HECW2: variants seen among roughly 807,000 people sequenced by gnomAD.
HECW2 encodes the protein E3 ubiquitin-protein ligase HECW2.
In HECW2, 61 loss-of-function variants were observed where a neutral mutation model predicts 175.2. The observed-to-expected ratio is 0.35, with a 90% CI of 0.28 to 0.43. The LOEUF is 0.43. Ranked by LOEUF, HECW2 falls within the 20% of genes least tolerant of loss-of-function variation. The pLI is 1.00. For synonymous variants in HECW2, 671 were observed against 731.0 expected, an observed-to-expected ratio of 0.92 and a Z score of 1.32; for missense variants, 1,524 against 2,000.5, an observed-to-expected ratio of 0.76 and a Z score of 4.54.
intron 1 of HECW2, among the ~76,000 whole-genome samples, chr2:196,506,731 G>A (rs1293282642): frequency 6.6e-6 from 1 of 151,844 alleles, no homozygotes; most frequent in Non-Finnish European, 1.5e-5. Flanking sequence ...TAGAAAACCA[G>A]TACCCCTTGT....
At chr2:196,554,030 G>A (rs992303025) in intron 1 of HECW2, among the ~76,000 whole-genome samples, 5 of 152,218 alleles carry the variant, frequency 3.3e-5, no homozygotes, top group African/African-American at 9.6e-5. Context: ...GGATAGGGCT[G>A]GAGGGCTTCT....
chr2:196,442,461 C>T (rs1473222245), intron 1 of HECW2, among the ~76,000 whole-genome samples: 2 of 152,054 alleles, frequency 1.3e-5, no homozygotes, highest in African/African-American at 2.4e-5. Flanking sequence ...GGGCTCTACC[C>T]TAAGGAAAGA....
chr2:196,521,146 GTAA>G (rs536125140), intron 1 of HECW2, among the ~76,000 whole-genome samples: 287 of 152,040 alleles, frequency 1.9e-3, no homozygotes, highest in Non-Finnish European at 3.6e-3. Flanking sequence ...TGTAGGTAAA[GTAA>G]TAATAACAGG....
intron 28 of HECW2, among the ~76,000 whole-genome samples, chr2:196,202,911 A>G (rs528420726): frequency 6.6e-6 from 1 of 152,266 alleles, no homozygotes; most frequent in South Asian, 2.1e-4. Flanking sequence ...CTAAACATGA[A>G]ATTCATTTAC....
At chr2:196,576,862 A>G (rs1009185542) in intron 1 of HECW2, among the ~76,000 whole-genome samples, 1 of 152,228 alleles carries the variant, frequency 6.6e-6, no homozygotes, top group Admixed American at 6.5e-5. Context: ...TAAAGCTGGA[A>G]AAAGGTTTAT....
intron 1 of HECW2, among the ~76,000 whole-genome samples, chr2:196,449,771 G>A (rs911252092): frequency 2.6e-5 from 4 of 152,072 alleles, no homozygotes; most frequent in African/African-American, 9.7e-5. Flanking sequence ...AGTTTTAACT[G>A]GTTGTAATTA....
chr2:196,460,980 G>A (rs919676532), intron 1 of HECW2, among the ~76,000 whole-genome samples: 16 of 151,932 alleles, frequency 1.1e-4, no homozygotes, highest in African/African-American at 3.1e-4. Context: ...AATTAATTAC[G>A]TGAGAAAATA....
intron 22 of HECW2, among the ~76,000 whole-genome samples, chr2:196,226,733 G>A (rs1028088489): frequency 2.6e-5 from 4 of 152,158 alleles, no homozygotes; most frequent in Non-Finnish European, 5.9e-5. Flanking sequence ...CTGAGGAAAG[G>A]CCCAGTCTCA....
At chr2:196,495,184 C>G (rs911654776) in intron 1 of HECW2, among the ~76,000 whole-genome samples, 2 of 152,046 alleles carry the variant, frequency 1.3e-5, no homozygotes, top group Admixed American at 1.3e-4. Context: ...TCTCCTCACT[C>G]AGCCTCCCAA....
chr2:196,575,417 A>G (rs1257064375), intron 1 of HECW2, among the ~76,000 whole-genome samples: 1 of 152,200 alleles, frequency 6.6e-6, no homozygotes, highest in Non-Finnish European at 1.5e-5. Context: ...TGGGTATATA[A>G]CCCAAGGAAA....
At position 196,227,120 on chromosome 2, in the gene HECW2, T is replaced by G. The variant is rs529540443; in HGVS notation, c.3917+982A>C. 1.1e-4 allele frequency among the ~76,000 whole-genome samples: 17 copies of G among 152,306 alleles called. No homozygotes were observed. The South Asian group carries it at 3.3e-3, about 30-fold the overall frequency. ...ATGGTTCCTCTTTATTTCCATTTATTTAGCACAACTGTAATAGTCACAGAA... is the reference window on the plus strand; with the variant it reads ...ATGGTTCCTCTTTATTTCCATTTATGTAGCACAACTGTAATAGTCACAGAA... On this transcript the variant is annotated intron_variant, in intron 22 of 28. Coordinates refer to ENST00000644978, the MANE Select transcript of HECW2 (RefSeq NM_001348768.2).
At chr2:196,308,185 A>G in intron 10 of HECW2, 100 bp from the exon 11 acceptor site, 1 of 837,618 alleles carries the variant, frequency 1.2e-6, no homozygotes, top group Non-Finnish European at 1.8e-6. Flanking sequence ...CTGACATGCT[A>G]TAATCTGAGA....
chr2:196,451,488 T>C (rs1012681364), intron 1 of HECW2, among the ~76,000 whole-genome samples: 30 of 151,164 alleles, frequency 2.0e-4, no homozygotes, highest in African/African-American at 7.3e-4. Context: ...CCAGAACTCA[T>C]GCTTTTCTCC....
chr2:196,525,227 T>G (rs1481428077), intron 1 of HECW2, among the ~76,000 whole-genome samples: 3 of 144,884 alleles, frequency 2.1e-5, no homozygotes, highest in African/African-American at 2.7e-5. Flanking sequence ...TTTACCATTA[T>G]GTAATGGCCT....
At chr2:196,492,179 C>T (rs1687222570) in intron 1 of HECW2, among the ~76,000 whole-genome samples, 1 of 152,126 alleles carries the variant, frequency 6.6e-6, no homozygotes, top group African/African-American at 2.4e-5. Context: ...TTTAGAGTTA[C>T]ACTCCTCAGT....
chr2:196,381,211 C>T (rs1242737903), intron 2 of HECW2, among the ~76,000 whole-genome samples: 3 of 152,190 alleles, frequency 2.0e-5, no homozygotes, highest in African/African-American at 7.2e-5. Flanking sequence ...CCATGAACCT[C>T]ACCAATCACC....
intron 1 of HECW2, among the ~76,000 whole-genome samples, chr2:196,509,988 T>C (rs1184611337): frequency 6.6e-6 from 1 of 152,236 alleles, no homozygotes; most frequent in Admixed American, 6.5e-5. Context: ...ATTTATTCAT[T>C]TCTTAAGCCT....
At position 196,551,931 on chromosome 2, in the gene HECW2, T is replaced by C. The variant is rs150038549; in HGVS notation, c.-36+41577A>G. ...CATATGCAATACTTCTTCATTTTAT[T>C]TTCCTAGCATTTCTTACTGTCAACT... On this transcript the variant is annotated intron_variant, in intron 1 of 28. Transcript: ENST00000644978. 8.9e-3 allele frequency among the ~76,000 whole-genome samples: 1,357 copies of C among 152,290 alleles called. 10 individuals carry two copies. The highest frequency in any genetic ancestry group is 0.03 in the South Asian group (143 of 4,816).
chr2:196,541,864 C>T (rs1689227536), intron 1 of HECW2, among the ~76,000 whole-genome samples: 1 of 151,598 alleles, frequency 6.6e-6, no homozygotes, highest in South Asian at 2.1e-4. Context: ...CAATAGTATG[C>T]AAGAACTATC....
Sources: allele counts gnomAD v4.1 joint callset (sites outside exome capture counted in the v4.1 genomes callset), GRCh38; gene constraint gnomAD v4.1.1; transcripts MANE v1.5; gene names NCBI Gene and HGNC (gene_info 2026-07-23, HGNC 2026-07-21).